Variants in SEMA5A observed in about 807,000 individuals in gnomAD.
SEMA5A encodes semaphorin 5A, also known as semaphorin-5A.
Under a neutral mutation model 135.5 loss-of-function variants are expected in SEMA5A, and 55 were observed. The observed-to-expected ratio is 0.41, with a 90% confidence interval of 0.33 to 0.51. The LOEUF (loss-of-function observed/expected upper bound fraction) is 0.51. SEMA5A is among the 20% of genes least tolerant of loss of function. SEMA5A has a pLI of 0.37. For synonymous variants in SEMA5A, 580 were observed against 546.5 expected (o/e 1.06, Z -0.85); for missense variants, 1,290 against 1,419.9 (o/e 0.91, Z 1.47).
At chr5:9,146,984 TA>T in intron 12 of SEMA5A, among the ~76,000 whole-genome samples, 1 of 152,098 alleles carries the variant, frequency 6.6e-6, no homozygotes, top group East Asian at 1.9e-4. Flanking sequence ...ACCAAATGAG[TA>T]AGGTTGTCTG....
At chr5:9,271,501 A>G (rs969701127) in intron 5 of SEMA5A, among the ~76,000 whole-genome samples, 1 of 152,184 alleles carries the variant, frequency 6.6e-6, no homozygotes, top group African/African-American at 2.4e-5. Flanking sequence ...GAAGATAGGA[A>G]AATGTGGAAA....
At chr5:9,459,618 C>G (rs10079862) in intron 1 of SEMA5A, among the ~76,000 whole-genome samples, 1 of 152,120 alleles carries the variant, frequency 6.6e-6, no homozygotes, top group South Asian at 2.1e-4. Flanking sequence ...ATTGCAGCCT[C>G]GGAGAAAACT....
At chr5:9,086,276 G>A (rs1247783611) in intron 16 of SEMA5A, among the ~76,000 whole-genome samples, 1 of 152,062 alleles carries the variant, frequency 6.6e-6, no homozygotes, top group Non-Finnish European at 1.5e-5. Flanking sequence ...AGGGACCAGG[G>A]GCAGAGTGAT....
At chr5:9,157,113 G>A (rs1475926523) in intron 11 of SEMA5A, among the ~76,000 whole-genome samples, 1 of 152,238 alleles carries the variant, frequency 6.6e-6, no homozygotes, top group African/African-American at 2.4e-5. Flanking sequence ...TCCCTGGAGT[G>A]TCTAGTCATG....
intron 1 of SEMA5A, among the ~76,000 whole-genome samples, chr5:9,482,176 G>A (rs1268999886): frequency 6.6e-6 from 1 of 152,166 alleles, no homozygotes; most frequent in Non-Finnish European, 1.5e-5. Flanking sequence ...CAGGAGCTGA[G>A]AGCTGAACAG....
At chr5:9,215,415 A>G (rs1348422922) in intron 8 of SEMA5A, among the ~76,000 whole-genome samples, 2 of 152,206 alleles carry the variant, frequency 1.3e-5, no homozygotes, top group Non-Finnish European at 2.9e-5. Context: ...CCTTATCTGG[A>G]AACAGGGTCT....
At chr5:9,353,103 A>G (rs1402411766) in intron 3 of SEMA5A, among the ~76,000 whole-genome samples, 16 of 32,118 alleles carry the variant, frequency 5.0e-4, no homozygotes, top group Non-Finnish European at 9.0e-4. Context: ...GGAAGGAAGG[A>G]AAGGAAAGGA....
intron 1 of SEMA5A, among the ~76,000 whole-genome samples, chr5:9,472,321 C>T (rs533465404): frequency 6.6e-6 from 1 of 152,252 alleles, no homozygotes. Context: ...TCATCTAGTG[C>T]CCTGGAAGAT....
At chr5:9,098,284 A>G (rs1028084391) in intron 16 of SEMA5A, among the ~76,000 whole-genome samples, 2 of 147,362 alleles carry the variant, frequency 1.4e-5, no homozygotes, top group Non-Finnish European at 3.0e-5. Context: ...AATAAAATGA[A>G]CAAGCAACAC....
intron 3 of SEMA5A, among the ~76,000 whole-genome samples, chr5:9,358,522 G>T (rs1040249988): frequency 2.6e-5 from 4 of 152,186 alleles, no homozygotes; most frequent in African/African-American, 9.7e-5. Flanking sequence ...ATGCTGCAGC[G>T]TTCAATTTGT....
At chr5:9,115,379 G>T (rs1740457321) in intron 15 of SEMA5A, among the ~76,000 whole-genome samples, 1 of 152,180 alleles carries the variant, frequency 6.6e-6, no homozygotes, top group South Asian at 2.1e-4. Context: ...ACTTAATTAA[G>T]CAACTCCAAA....
intron 3 of SEMA5A, among the ~76,000 whole-genome samples, chr5:9,340,101 T>G (rs813395): frequency 0.99 from 151,322 of 152,316 alleles, 75,183 homozygotes; most frequent in Middle Eastern, 1. Context: ...TGGGAATGTT[T>G]CAGGTGAAAA....
chr5:9,173,767 C>T (rs1456692093), intron 11 of SEMA5A, among the ~76,000 whole-genome samples: 1 of 152,148 alleles, frequency 6.6e-6, no homozygotes, highest in Non-Finnish European at 1.5e-5. Context: ...AACAAGGTCT[C>T]GTTAACACAT....
intron 10 of SEMA5A, 25 bp downstream of exon 10, chr5:9,197,143 T>C (rs534874742): frequency 6.2e-7 from 1 of 1,613,784 alleles, no homozygotes; most frequent in Admixed American, 1.7e-5. Context: ...ATGCCAACAG[T>C]GCCCCTTTGC....
intron 14 of SEMA5A, among the ~76,000 whole-genome samples, chr5:9,122,277 C>A (rs533191307): frequency 6.6e-6 from 1 of 152,210 alleles, no homozygotes; most frequent in Non-Finnish European, 1.5e-5. Context: ...TAGAGCAAGT[C>A]GATCAAGGAC....
chr5:9,191,315 G>A (rs1745101118), intron 10 of SEMA5A, among the ~76,000 whole-genome samples: 1 of 152,166 alleles, frequency 6.6e-6, no homozygotes, highest in Admixed American at 6.5e-5. Flanking sequence ...TGGGGAGGCT[G>A]GCAGATGTTA....
intron 8 of SEMA5A, among the ~76,000 whole-genome samples, chr5:9,203,342 A>T (rs760878219): frequency 5.3e-5 from 8 of 152,230 alleles, no homozygotes; most frequent in African/African-American, 7.2e-5. Flanking sequence ...ATTTTCAGGG[A>T]CAATTAGTTT....
intron 3 of SEMA5A, among the ~76,000 whole-genome samples, chr5:9,338,983 T>A (rs1380217711): frequency 1.3e-5 from 2 of 152,196 alleles, no homozygotes; most frequent in Non-Finnish European, 2.9e-5. Flanking sequence ...GTAAAATTTA[T>A]CTTCTGCTTA....
At chr5:9,251,247 TA>T (rs1748769018) in intron 5 of SEMA5A, among the ~76,000 whole-genome samples, 1 of 152,160 alleles carries the variant, frequency 6.6e-6, no homozygotes, top group Non-Finnish European at 1.5e-5. Context: ...ATGAGTCAAA[TA>T]ACCTAATATT....
Sources: gnomAD v4.1 joint callset for allele counts (sites outside exome capture counted in the v4.1 genomes callset) on GRCh38, gnomAD v4.1.1 for gene constraint, MANE v1.5 for transcripts, NCBI Gene and HGNC (gene_info 2026-07-23, HGNC 2026-07-21) for gene names.